Variants in CALD1 observed in about 807,000 individuals in gnomAD.
CALD1 encodes the protein caldesmon.
In CALD1, 33 loss-of-function variants were observed where a neutral mutation model predicts 99.9. The observed-to-expected ratio is 0.33, with a 90% CI of 0.25 to 0.44. The LOEUF is 0.44. Ranked by LOEUF, CALD1 falls within the 20% of genes least tolerant of loss-of-function variation. The pLI is 1.00. For missense variants in CALD1, 861 were observed against 962.1 expected (o/e 0.89, Z 1.39); for synonymous variants, 310 against 325.0 (o/e 0.95, Z 0.50).
intron 1 of CALD1, among the ~76,000 whole-genome samples, chr7:134,750,448 C>A (rs1307654798): frequency 2.0e-5 from 3 of 152,130 alleles, no homozygotes; most frequent in Non-Finnish European, 4.4e-5. Context: ...CCTAGTAGAA[C>A]CATATATTAC....
At position 134,853,277 on chromosome 7, in the gene CALD1, G is replaced by T. The variant is rs74571942; in HGVS notation, c.-42+9306G>T. On this transcript the variant is annotated intron_variant, in intron 2 of 14. Transcript: ENST00000361675. Reference sequence around the variant, plus strand: ...TCTCCTCACCCACCTATTTAGGAGAGAGAAGTGGAAAGGAATTTTATTTAT... The same window carrying T: ...TCTCCTCACCCACCTATTTAGGAGATAGAAGTGGAAAGGAATTTTATTTAT... Among the ~76,000 whole-genome samples, 210 of 152,324 alleles carry T rather than the reference G, an allele frequency of 1.4e-3. 3 individuals carry two copies. The highest frequency in any genetic ancestry group is 4.9e-3 in the African/African-American group (203 of 41,572).
intron 2 of CALD1, among the ~76,000 whole-genome samples, chr7:134,863,425 A>C (rs1167789105): frequency 6.6e-6 from 1 of 152,228 alleles, no homozygotes; most frequent in Non-Finnish European, 1.5e-5. Flanking sequence ...AGTAGATAAG[A>C]CTTAGCTTCT....
chr7:134,852,941 C>T (rs1280863646), intron 2 of CALD1, among the ~76,000 whole-genome samples: 1 of 152,118 alleles, frequency 6.6e-6, no homozygotes, highest in Non-Finnish European at 1.5e-5. Flanking sequence ...TTATTATGGA[C>T]TGTTTGTCTC....
At chr7:134,772,126 A>G (rs1211619460) in intron 1 of CALD1, among the ~76,000 whole-genome samples, 3 of 144,304 alleles carry the variant, frequency 2.1e-5, no homozygotes, top group Non-Finnish European at 4.5e-5. Flanking sequence ...ACAGGGTCTC[A>G]CTCAGTCACT....
chr7:134,953,469 G>C (rs1288845844), intron 9 of CALD1, among the ~76,000 whole-genome samples: 1 of 150,724 alleles, frequency 6.6e-6, no homozygotes, highest in Non-Finnish European at 1.5e-5. Flanking sequence ...GGCTGAGGCA[G>C]AAGAACTGCT....
intron 1 of CALD1, among the ~76,000 whole-genome samples, chr7:134,769,276 G>A (rs1348836310): frequency 1.3e-5 from 2 of 152,026 alleles, no homozygotes; most frequent in African/African-American, 4.8e-5. Context: ...GATATACCTA[G>A]AAATGGGATT....
intron 7 of CALD1, among the ~76,000 whole-genome samples, chr7:134,943,149 G>T (rs1239610330): frequency 2.0e-5 from 3 of 152,202 alleles, no homozygotes; most frequent in African/African-American, 7.2e-5. Flanking sequence ...CATATAAAAT[G>T]AGGAGAGAGG....
rs547380488 is a variant in CALD1 at position 134,873,472 on chromosome 7, G to C, written c.71+5668G>C. Among the ~76,000 whole-genome samples the C allele has an allele frequency of 5.3e-5, 8 of 152,312 alleles. No individual in the cohort carries two copies. The South Asian group carries it at 1.7e-3, about 32-fold the overall frequency. ...TACATACTTCTGGCCAGGAAAGAGG[G>C]AGAGAGAAACCCAGTTCTCTTCCTG... On this transcript the variant is annotated intron_variant, in intron 3 of 14. Coordinates refer to ENST00000361675, the MANE Select transcript of CALD1 (RefSeq NM_033138.4).
chr7:134,758,160 G>A (rs1019582930), intron 1 of CALD1, among the ~76,000 whole-genome samples: 3 of 152,150 alleles, frequency 2.0e-5, no homozygotes, highest in African/African-American at 7.2e-5. Flanking sequence ...ACTGTTGTGT[G>A]CAACTCTATG....
intron 3 of CALD1, 107 bp from the exon 4 acceptor site, chr7:134,928,647 A>G: frequency 1.0e-6 from 1 of 1,003,012 alleles, no homozygotes; most frequent in Non-Finnish European, 1.4e-6. Flanking sequence ...TATGTGGTTC[A>G]TTAAGCAGTG....
chr7:134,828,053 T>G (rs574249894), intron 1 of CALD1, among the ~76,000 whole-genome samples: 1 of 152,242 alleles, frequency 6.6e-6, no homozygotes, highest in African/African-American at 2.4e-5. Flanking sequence ...AAGCACTGCA[T>G]GTGAACTGAA....
chr7:134,773,887 T>C (rs374762127), intron 1 of CALD1, among the ~76,000 whole-genome samples: 3 of 151,532 alleles, frequency 2.0e-5, no homozygotes, highest in Admixed American at 6.6e-5. Context: ...AAGAGTGAGG[T>C]AGGCCGGGTG....
chr7:134,893,306 A>G (rs1802337109), intron 3 of CALD1, among the ~76,000 whole-genome samples: 1 of 152,122 alleles, frequency 6.6e-6, no homozygotes, highest in Non-Finnish European at 1.5e-5. Flanking sequence ...CTATGAAGAT[A>G]AAGTCCATTC....
At chr7:134,842,201 A>C (rs1439626672) in intron 1 of CALD1, among the ~76,000 whole-genome samples, 2 of 152,216 alleles carry the variant, frequency 1.3e-5, no homozygotes, top group Non-Finnish European at 2.9e-5. Context: ...TGTATCCACC[A>C]AATACACCCA....
upstream of CALD1, among the ~76,000 whole-genome samples, chr7:134,742,047 A>ACACACG (rs71172471): frequency 6.6e-6 from 1 of 151,600 alleles, no homozygotes; most frequent in South Asian, 2.1e-4. Context: ...ACACACACAC[A>ACACACG]GACACACACA....
intron 3 of CALD1, among the ~76,000 whole-genome samples, chr7:134,916,609 C>T (rs1804222764): frequency 6.6e-6 from 1 of 152,246 alleles, no homozygotes; most frequent in Non-Finnish European, 1.5e-5. Context: ...GTGGCATCCA[C>T]ATGCTGTGTA....
intron 3 of CALD1, among the ~76,000 whole-genome samples, chr7:134,900,973 CTT>C (rs969978303): frequency 6.6e-6 from 1 of 151,988 alleles, no homozygotes. Context: ...AATCAGAGCT[CTT>C]TATTTCAGAT....
chr7:134,948,665 A>C (rs549578978), intron 8 of CALD1, among the ~76,000 whole-genome samples: 1 of 152,250 alleles, frequency 6.6e-6, no homozygotes, highest in South Asian at 2.1e-4. Context: ...ATCTCCCATC[A>C]TTCAAAATAT....
rs557355071 is a variant in CALD1 at position 134,921,979 on chromosome 7, C to T, written c.72-6775C>T. On this transcript the variant is annotated intron_variant, in intron 3 of 14. Transcript: ENST00000361675. The stretch of plus-strand genomic sequence containing the variant: ...ATGGTTAAACTGTGCTATCCTATTA[C>T]ATAAATGATGAAAATAAAGGTATGC... Among the ~76,000 whole-genome samples, 19 of 152,250 alleles carry T rather than the reference C, an allele frequency of 1.2e-4. No individual in the cohort carries two copies. The South Asian group carries it at 3.7e-3, about 30-fold the overall frequency.
Sources: allele counts gnomAD v4.1 joint callset (sites outside exome capture counted in the v4.1 genomes callset), GRCh38; gene constraint gnomAD v4.1.1; transcripts MANE v1.5; gene names NCBI Gene and HGNC (gene_info 2026-07-23, HGNC 2026-07-21).